Variants in GAB2 observed in about 807,000 individuals in gnomAD.
The protein encoded by GAB2 is GRB2-associated-binding protein 2.
Under a neutral mutation model 65.5 loss-of-function variants are expected in GAB2, and 26 were observed. The observed-to-expected ratio is 0.40, with a 90% confidence interval of 0.29 to 0.55. The LOEUF (loss-of-function observed/expected upper bound fraction) is 0.55. Ranked by LOEUF, GAB2 falls within the 20% of genes least tolerant of loss-of-function variation. GAB2 has a pLI of 0.53. For synonymous variants in GAB2, 321 were observed against 329.6 expected, an observed-to-expected ratio of 0.97 and a Z score of 0.28; for missense variants, 884 against 875.8, an observed-to-expected ratio of 1.01 and a Z score of -0.12.
chr11:78,361,779 C>A (rs1856438129), intron 1 of GAB2, among the ~76,000 whole-genome samples: 1 of 152,124 alleles, frequency 6.6e-6, no homozygotes, highest in Non-Finnish European at 1.5e-5. Flanking sequence ...GTTACAAACC[C>A]TCTGGAGAGC....
chr11:78,234,984 C>A (rs1283055418), intron 3 of GAB2, among the ~76,000 whole-genome samples: 1 of 151,794 alleles, frequency 6.6e-6, no homozygotes, highest in Non-Finnish European at 1.5e-5. Context: ...CATTCCAGCC[C>A]GGGAGACAGA....
intron 1 of GAB2, among the ~76,000 whole-genome samples, chr11:78,333,021 G>T (rs960887512): frequency 6.6e-5 from 10 of 152,180 alleles, no homozygotes; most frequent in African/African-American, 1.9e-4. Flanking sequence ...TAATGGGAAA[G>T]ATGGTCCTTC....
intron 1 of GAB2, among the ~76,000 whole-genome samples, chr11:78,366,565 G>A (rs1387679867): frequency 5.2e-5 from 5 of 96,754 alleles, no homozygotes; most frequent in East Asian, 3.5e-4. Context: ...CAGGCTGGGC[G>A]ACAGAGCAAG....
chr11:78,332,999 T>C (rs1324014059), intron 1 of GAB2, among the ~76,000 whole-genome samples: 1 of 152,140 alleles, frequency 6.6e-6, no homozygotes, highest in Non-Finnish European at 1.5e-5. Flanking sequence ...AGATCAAGAA[T>C]CTCTTATAAT....
chr11:78,278,522 A>T (rs896141820), intron 2 of GAB2, among the ~76,000 whole-genome samples: 1 of 151,930 alleles, frequency 6.6e-6, no homozygotes, highest in African/African-American at 2.4e-5. Flanking sequence ...CTGGGAATAC[A>T]GGTGCACGTC....
At chr11:78,243,415 C>A (rs1323204613) in intron 3 of GAB2, among the ~76,000 whole-genome samples, 2 of 151,934 alleles carry the variant, frequency 1.3e-5, no homozygotes, top group African/African-American at 2.4e-5. Flanking sequence ...TTGCAGTGAG[C>A]CAAAATCGCG....
chr11:78,380,100 A>T (rs1449707140), intron 1 of GAB2, among the ~76,000 whole-genome samples: 2 of 152,216 alleles, frequency 1.3e-5, no homozygotes, highest in Non-Finnish European at 2.9e-5. Context: ...TATGCAAGAG[A>T]GTGCCGGACT....
intron 1 of GAB2, among the ~76,000 whole-genome samples, chr11:78,316,741 T>C (rs1397712654): frequency 6.6e-6 from 1 of 152,144 alleles, no homozygotes; most frequent in Middle Eastern, 3.2e-3. Context: ...CCTCAAAAAA[T>C]TGAAAATAGA....
At chr11:78,366,723 T>C (rs1444452325) in intron 1 of GAB2, among the ~76,000 whole-genome samples, 1 of 148,140 alleles carries the variant, frequency 6.8e-6, no homozygotes, top group African/African-American at 2.4e-5. Flanking sequence ...CTATATTTTC[T>C]CCAAGCCCTA....
intron 1 of GAB2, among the ~76,000 whole-genome samples, chr11:78,317,042 C>T (rs962341994): frequency 2.6e-5 from 4 of 152,138 alleles, no homozygotes; most frequent in African/African-American, 9.7e-5. Context: ...TAGAAAATAC[C>T]ATGTGATTCC....
At chr11:78,241,810 G>A (rs898123682) in intron 3 of GAB2, among the ~76,000 whole-genome samples, 1 of 152,298 alleles carries the variant, frequency 6.6e-6, no homozygotes, top group Admixed American at 6.5e-5. Flanking sequence ...AAGACTTATG[G>A]AACACCATTA....
At chr11:78,246,700 T>C (rs1321973703) in intron 3 of GAB2, among the ~76,000 whole-genome samples, 1 of 152,166 alleles carries the variant, frequency 6.6e-6, no homozygotes, top group Non-Finnish European at 1.5e-5. Context: ...GGTTTCACCA[T>C]GTTGGCCAGT....
chr11:78,299,282 G>T (rs1057506925), intron 1 of GAB2, among the ~76,000 whole-genome samples: 1 of 152,144 alleles, frequency 6.6e-6, no homozygotes, highest in African/African-American at 2.4e-5. Context: ...TTCCTGCTCT[G>T]GGCCATTTCC....
chr11:78,258,657 G>A (rs1294824806), intron 2 of GAB2, among the ~76,000 whole-genome samples: 1 of 151,448 alleles, frequency 6.6e-6, no homozygotes, highest in East Asian at 1.9e-4. Context: ...TAGTGCAGTG[G>A]CACAATTATG....
chr11:78,255,591 G>T (rs908347357), intron 2 of GAB2, among the ~76,000 whole-genome samples: 2 of 152,184 alleles, frequency 1.3e-5, no homozygotes, highest in African/African-American at 4.8e-5. Flanking sequence ...TGCCCCAATA[G>T]ATGAGGTTCC....
chr11:78,307,267 T>C (rs10899469), intron 1 of GAB2, among the ~76,000 whole-genome samples: 23,897 of 152,126 alleles, frequency 0.16, 2,424 homozygotes, highest in East Asian at 0.4. Context: ...TGCATTATTC[T>C]CTACCAAAGG....
intron 1 of GAB2, among the ~76,000 whole-genome samples, chr11:78,343,571 T>C (rs1420467239): frequency 1.3e-5 from 2 of 152,174 alleles, no homozygotes; most frequent in Non-Finnish European, 2.9e-5. Context: ...ACAATGCTGA[T>C]GTATCATAAT....
chr11:78,363,833 C>A (rs1856465105), intron 1 of GAB2, among the ~76,000 whole-genome samples: 1 of 152,060 alleles, frequency 6.6e-6, no homozygotes, highest in Non-Finnish European at 1.5e-5. Context: ...ATCCACCCAC[C>A]TCAGCCTCCC....
intron 3 of GAB2, among the ~76,000 whole-genome samples, chr11:78,233,820 G>A (rs976251630): frequency 6.6e-6 from 1 of 152,144 alleles, no homozygotes; most frequent in Non-Finnish European, 1.5e-5. Context: ...CACCATATTG[G>A]CCAGGCTGGT....
Sources: allele counts gnomAD v4.1 joint callset (sites outside exome capture counted in the v4.1 genomes callset), GRCh38; gene constraint gnomAD v4.1.1; transcripts MANE v1.5; gene names NCBI Gene and HGNC (gene_info 2026-07-23, HGNC 2026-07-21).